The following MYBPC1 variants were observed in gnomAD, a reference collection of about 807,000 sequenced individuals.
MYBPC1 encodes the protein myosin-binding protein C, slow-type.
In MYBPC1, 52 loss-of-function variants were observed where a neutral mutation model predicts 147.1. The ratio of observed to expected loss-of-function variants is 0.35; its 90% CI spans 0.28 to 0.45. MYBPC1 has a LOEUF of 0.45. Among genes scored for constraint, MYBPC1 ranks in the 20% least tolerant of loss-of-function variants. The pLI is 1.00. For synonymous variants in MYBPC1, 477 were observed against 475.9 expected, an observed-to-expected ratio of 1.00 and a Z score of -0.03; for missense variants, 1,228 against 1,440.3, an observed-to-expected ratio of 0.85 and a Z score of 2.39.
chr12:101,692,035 G>A, the MYBPC1 span, among the ~76,000 whole-genome samples: 1 of 152,222 alleles, frequency 6.6e-6, no homozygotes, highest in Non-Finnish European at 1.5e-5. Flanking sequence ...GATGGGCAGT[G>A]TGCTAGGAAT....
intron 1 of MYBPC1, among the ~76,000 whole-genome samples, chr12:101,612,853 C>T (rs1884770307): frequency 6.6e-6 from 1 of 152,236 alleles, no homozygotes. Flanking sequence ...AATGCTTTGA[C>T]TGACAGTTTC....
In MYBPC1 at chr12:101,644,784, G is replaced by T; in HGVS notation, c.953G>T (p.Arg318Leu). The change falls in exon 12 of 32, where the codon CGA (arginine) becomes CTA (leucine). Residue 318 changes from arginine to leucine, a missense_variant. Arg to Leu is a moderately radical substitution (Grantham distance 102). Transcript: ENST00000361466. The part of the protein sequence containing the change: ...VKWYKNGQEI[R>L]PSTKYIFEHK... ...TGGTATAAAAATGGTCAAGAAATTC[G>T]ACCCAGTACCAAGTAAGTGGGCTTT... 1.2e-6 allele frequency: 2 copies of T among 1,613,682 alleles called. No individual in the cohort carries two copies. Among genetic ancestry groups the T allele is most frequent in the South Asian group, 1.1e-5 (1 of 90,978 alleles).
At chr12:101,631,060 T>A (rs1052078341) in intron 6 of MYBPC1, among the ~76,000 whole-genome samples, 19 of 152,164 alleles carry the variant, frequency 1.2e-4, no homozygotes, top group African/African-American at 3.6e-4. Flanking sequence ...AATCACTCAA[T>A]ACAAACAGAT....
intron 1 of MYBPC1, 94 bp downstream of exon 1, chr12:101,595,189 A>T: frequency 2.7e-6 from 3 of 1,114,338 alleles, no homozygotes; most frequent in Non-Finnish European, 4.0e-6. Context: ...TCTTAACTAG[A>T]TGAGAAAATA....
intron 1 of MYBPC1, among the ~76,000 whole-genome samples, chr12:101,602,284 G>A (rs374493124): frequency 2.6e-5 from 4 of 152,028 alleles, no homozygotes; most frequent in South Asian, 2.1e-4. Context: ...GCATGATCTC[G>A]GCTCACTGCA....
intron 9 of MYBPC1, among the ~76,000 whole-genome samples, chr12:101,634,871 C>G (rs1404046700): frequency 6.6e-6 from 1 of 152,280 alleles, no homozygotes; most frequent in African/African-American, 2.4e-5. Context: ...AAGACACTTT[C>G]AATTTATTCA....
At chr12:101,653,497 C>T (rs1219668488) in intron 18 of MYBPC1, among the ~76,000 whole-genome samples, 3 of 149,212 alleles carry the variant, frequency 2.0e-5, no homozygotes, top group African/African-American at 7.4e-5. Context: ...AGTGAAAAAG[C>T]CTCATTTTTA....
intron 6 of MYBPC1, 61 bp from the exon 7 acceptor site, chr12:101,631,510 T>C (rs1035911065): frequency 8.8e-6 from 14 of 1,588,498 alleles, no homozygotes; most frequent in Middle Eastern, 1.7e-4. Flanking sequence ...CTCCTTCCAG[T>C]TGAAAGCAAA....
At chr12:101,694,630 TCTCA>T in the MYBPC1 span, among the ~76,000 whole-genome samples, 4 of 152,214 alleles carry the variant, frequency 2.6e-5, no homozygotes, top group African/African-American at 9.6e-5. Context: ...GGAAGAGAGT[TCTCA>T]CTAAGAAACA....
At chr12:101,597,193 A>G (rs1441525647) in intron 1 of MYBPC1, among the ~76,000 whole-genome samples, 1 of 152,206 alleles carries the variant, frequency 6.6e-6, no homozygotes, top group African/African-American at 2.4e-5. Context: ...GATTGCATAT[A>G]AGCCTCCCTC....
intron 23 of MYBPC1, among the ~76,000 whole-genome samples, chr12:101,669,104 A>G (rs979031096): frequency 6.6e-6 from 1 of 152,106 alleles, no homozygotes; most frequent in Non-Finnish European, 1.5e-5. Flanking sequence ...ACAAAACAAG[A>G]ATAAGAATAA....
At chr12:101,606,467 T>TTTA (rs887262485) in intron 1 of MYBPC1, among the ~76,000 whole-genome samples, 4 of 74,074 alleles carry the variant, frequency 5.4e-5, no homozygotes, top group Non-Finnish European at 9.4e-5. Context: ...CAATTTAGTA[T>TTTA]TTTTTTTTTT....
chr12:101,683,928 T>C (rs1039868612), intron 30 of MYBPC1, among the ~76,000 whole-genome samples: 1 of 152,206 alleles, frequency 6.6e-6, no homozygotes, highest in Non-Finnish European at 1.5e-5. Flanking sequence ...ACTAGTCTAA[T>C]ATTTGTACTT....
intron 20 of MYBPC1, among the ~76,000 whole-genome samples, chr12:101,661,930 T>G (rs1044187132): frequency 1.6e-5 from 1 of 61,162 alleles, no homozygotes; most frequent in African/African-American, 5.1e-5. Context: ...GAAAAAATAT[T>G]TAAATGCTTA....
chr12:101,629,322 G>A lies in MYBPC1; in HGVS notation c.179-112G>A, dbSNP rs111754462. 1.7e-3 allele frequency: 1,275 copies of A among 758,680 alleles called. 12 individuals are homozygous for A. In the African/African-American group the frequency reaches 0.019, roughly 11 times the overall value. The allele number at this position is 758,680 out of a possible 1,614,324, so 47.0% of individuals were successfully genotyped here. A position where few individuals can be genotyped will look rare whatever the true frequency, so the allele number is the denominator to read the frequency against. On this transcript the variant is annotated intron_variant, in intron 5 of 31. Transcript: ENST00000361466. ...AAAGAATGATGTTGTATTTATCTAG[G>A]TTTATTAGACAAAGAAAAGCTACAG...
chr12:101,610,155 C>T (rs377735585), intron 1 of MYBPC1, among the ~76,000 whole-genome samples: 6 of 152,288 alleles, frequency 3.9e-5, no homozygotes, highest in African/African-American at 1.4e-4. Context: ...CTTTACCACT[C>T]CTTGGTTTCC....
the MYBPC1 span, among the ~76,000 whole-genome samples, chr12:101,692,294 T>C: frequency 6.6e-6 from 1 of 152,188 alleles, no homozygotes; most frequent in African/African-American, 2.4e-5. Context: ...ATTTTTTTCA[T>C]AATATTTAGA....
chr12:101,621,490 T>C (rs1314256980), intron 3 of MYBPC1, among the ~76,000 whole-genome samples: 1 of 152,190 alleles, frequency 6.6e-6, no homozygotes, highest in Non-Finnish European at 1.5e-5. Flanking sequence ...TTGTCTCCCA[T>C]ATTTTATTGC....
chr12:101,629,673 G>A lies in MYBPC1; in HGVS notation c.289+129G>A, dbSNP rs1889450291. 7.1e-6 allele frequency: 5 copies of A among 706,566 alleles called. No homozygotes were observed. In the Admixed American group the frequency reaches 1.0e-4, roughly 15 times the overall value. 43.8% of individuals were successfully genotyped at this position (706,566 alleles called of 1,614,324 possible). ...AGATCATTTGAGCTCAGGAGTTCGA[G>A]ACCAGCCTGGCCAACATGGTGAAAC... On this transcript the variant is annotated intron_variant, in intron 6 of 31. Coordinates refer to ENST00000361466, the MANE Select transcript of MYBPC1 (RefSeq NM_002465.4).
Sources: gnomAD v4.1 joint callset for allele counts (sites outside exome capture counted in the v4.1 genomes callset) on GRCh38, gnomAD v4.1.1 for gene constraint, MANE v1.5 for transcripts, NCBI Gene and HGNC (gene_info 2026-07-23, HGNC 2026-07-21) for gene names.